The following FAF1 variants were observed in gnomAD, a reference collection of about 807,000 sequenced individuals.
FAF1 encodes the protein Fas associated factor 1, also known as FAS-associated factor 1.
A neutral mutation model predicts 92.5 loss-of-function variants in FAF1; 25 were observed. The ratio of observed to expected loss-of-function variants is 0.27; its 90% CI spans 0.20 to 0.38. The LOEUF (loss-of-function observed/expected upper bound fraction) is 0.38, where lower values mean the gene tolerates loss of function less well. FAF1 is among the 10% of genes least tolerant of loss of function. The pLI is 1.00. For missense variants in FAF1, 636 were observed against 793.3 expected, an observed-to-expected ratio of 0.80 and a Z score of 2.38; for synonymous variants, 234 against 273.2, an observed-to-expected ratio of 0.86 and a Z score of 1.42.
At chr1:50,663,704 GA>G (rs1655497064) in intron 7 of FAF1, among the ~76,000 whole-genome samples, 1 of 151,452 alleles carries the variant, frequency 6.6e-6, no homozygotes, top group South Asian at 2.1e-4. Context: ...CGCCCGGCCA[GA>G]AGCACCGCTT....
chr1:50,776,437 C>T (rs1660963772), intron 4 of FAF1, among the ~76,000 whole-genome samples: 1 of 152,102 alleles, frequency 6.6e-6, no homozygotes, highest in African/African-American at 2.4e-5. Flanking sequence ...TATGGTTTCT[C>T]TCTAATATAT....
intron 7 of FAF1, among the ~76,000 whole-genome samples, chr1:50,687,198 T>A (rs1240358287): frequency 6.6e-6 from 1 of 152,200 alleles, no homozygotes; most frequent in Non-Finnish European, 1.5e-5. Context: ...CTTTTCGGAA[T>A]AATTTTTTAT....
intron 13 of FAF1, among the ~76,000 whole-genome samples, chr1:50,564,135 A>C (rs1165287409): frequency 1.3e-5 from 2 of 152,158 alleles, no homozygotes; most frequent in Admixed American, 1.3e-4. Flanking sequence ...ATGCCTCTAT[A>C]GGCTTAGTCA....
rs1651019663 is a variant in FAF1 at position 50,582,159 on chromosome 1, G to T, written c.1113+459C>A. 2.6e-5 allele frequency among the ~76,000 whole-genome samples: 4 copies of T among 152,160 alleles called. No individual in the cohort carries two copies. The South Asian group carries it at 8.3e-4, about 32-fold the overall frequency. ...AAAGACTAAAGAACAAATCTATCAA[G>T]AACTAGTCATTTGCGTAACTGAAAA... On this transcript the variant is annotated intron_variant, in intron 12 of 18. Transcript: ENST00000396153.
intron 1 of FAF1, among the ~76,000 whole-genome samples, chr1:50,885,629 T>C (rs1293047795): frequency 1.3e-5 from 2 of 152,200 alleles, no homozygotes; most frequent in Non-Finnish European, 2.9e-5. Context: ...CTTGTTTTTG[T>C]ATCCATTCAG....
chr1:50,929,445 T>C lies in FAF1; in HGVS notation c.45+30322A>G, dbSNP rs149570311. Reference sequence around the variant, plus strand: ...ACTAAAAGATCTTTGGTTGATAAAATTGTATTCAGATCCCTTCAAAAAAAT... The same window carrying C: ...ACTAAAAGATCTTTGGTTGATAAAACTGTATTCAGATCCCTTCAAAAAAAT... On this transcript the variant is annotated intron_variant, in intron 1 of 18. Coordinates refer to ENST00000396153, the MANE Select transcript of FAF1 (RefSeq NM_007051.3). 5.1e-3 allele frequency among the ~76,000 whole-genome samples: 779 copies of C among 152,332 alleles called. 6 individuals carry two copies. The highest frequency in any genetic ancestry group is 0.011 in the South Asian group (51 of 4,830).
At position 50,464,497 on chromosome 1, in the gene FAF1, G is replaced by A. The variant is rs142196683; in HGVS notation, c.1869+10967C>T. ...ACACATTTTTACTGCATTTTACTAA[G>A]GGGAATGCAATAAACAGTGGACTTT... On this transcript the variant is annotated intron_variant, in intron 18 of 18. Coordinates refer to ENST00000396153, the MANE Select transcript of FAF1 (RefSeq NM_007051.3). Among the ~76,000 whole-genome samples the A allele has an allele frequency of 6.6e-3, 1,012 of 152,286 alleles. 15 individuals are homozygous for A. The highest frequency in any genetic ancestry group is 0.023 in the African/African-American group (945 of 41,556).
intron 18 of FAF1, among the ~76,000 whole-genome samples, chr1:50,472,172 C>G (rs1407500716): frequency 6.6e-6 from 1 of 151,748 alleles, no homozygotes; most frequent in Non-Finnish European, 1.5e-5. Flanking sequence ...CAGGAGTTGG[C>G]CTATAGGAGG....
rs534810116 is a variant in FAF1 at position 50,448,735 on chromosome 1, T to C, written c.1870-7212A>G. ...TCAAATCACAATCTCTGATCAACTT[T>C]TCCGGTAACAAAGGAGGTGATATTT... On this transcript the variant is annotated intron_variant, in intron 18 of 18. Transcript: ENST00000396153. Among the ~76,000 whole-genome samples, 23 of 152,324 alleles carry C rather than the reference T, an allele frequency of 1.5e-4. No homozygotes were observed. In the South Asian group the frequency reaches 4.4e-3, roughly 29 times the overall value.
intron 6 of FAF1, chr1:50,706,154 A>G (rs1657665397): frequency 2.8e-6 from 1 of 352,158 alleles, no homozygotes. Context: ...TCTACAAGTC[A>G]TAGGCTAATT....
Position 50,845,605 on chromosome 1 carries a change from A to T in FAF1, c.114+12324T>A, listed in dbSNP as rs185762017. On this transcript the variant is annotated intron_variant, in intron 2 of 18. Coordinates refer to ENST00000396153, the MANE Select transcript of FAF1 (RefSeq NM_007051.3). ...ATTTGCTCCCCCACCTGCACAGAAGATGCTAACTGCTTGTCCAGTGACTAC... is the reference window on the plus strand; with the variant it reads ...ATTTGCTCCCCCACCTGCACAGAAGTTGCTAACTGCTTGTCCAGTGACTAC... Among the ~76,000 whole-genome samples the T allele has an allele frequency of 9.9e-5, 15 of 152,186 alleles. No individual in the cohort carries two copies. In the East Asian group the frequency reaches 2.9e-3, roughly 29 times the overall value.
intron 17 of FAF1, among the ~76,000 whole-genome samples, chr1:50,478,883 T>A (rs1231562968): frequency 6.6e-6 from 1 of 152,212 alleles, no homozygotes; most frequent in Non-Finnish European, 1.5e-5. Flanking sequence ...TATTAAAGTA[T>A]AACATACATA....
intron 12 of FAF1, among the ~76,000 whole-genome samples, chr1:50,580,631 CTGT>C (rs1043423238): frequency 1.3e-5 from 2 of 151,792 alleles, no homozygotes. Flanking sequence ...GTAAAAAAAG[CTGT>C]TATTACAGGA....
At chr1:50,923,876 T>C (rs911592793) in intron 1 of FAF1, among the ~76,000 whole-genome samples, 8 of 152,282 alleles carry the variant, frequency 5.3e-5, no homozygotes, top group African/African-American at 1.9e-4. Context: ...AAATTCAACA[T>C]CCATTTCTGA....
intron 6 of FAF1, among the ~76,000 whole-genome samples, chr1:50,726,337 T>C (rs1214734560): frequency 1.3e-5 from 2 of 152,126 alleles, no homozygotes; most frequent in Admixed American, 1.3e-4. Flanking sequence ...TCAATACTAC[T>C]TGTAAAAGGG....
chr1:50,593,118 C>T (rs1486993420), intron 9 of FAF1, among the ~76,000 whole-genome samples: 1 of 151,774 alleles, frequency 6.6e-6, no homozygotes, highest in African/African-American at 2.4e-5. Context: ...TATAGGAGGG[C>T]AAAACTCCTA....
intron 7 of FAF1, among the ~76,000 whole-genome samples, chr1:50,667,166 G>A (rs1023588231): frequency 2.6e-5 from 4 of 152,166 alleles, no homozygotes; most frequent in African/African-American, 9.7e-5. Context: ...AATTTCCAAG[G>A]AAAATAAATC....
chr1:50,640,936 C>G (rs939199385), intron 8 of FAF1, among the ~76,000 whole-genome samples: 1 of 145,294 alleles, frequency 6.9e-6, no homozygotes, highest in Non-Finnish European at 1.5e-5. Flanking sequence ...GGGGTTCAAG[C>G]AATTCTCCTG....
At chr1:50,623,824 T>A (rs1445465543) in intron 8 of FAF1, among the ~76,000 whole-genome samples, 3 of 151,468 alleles carry the variant, frequency 2.0e-5, no homozygotes, top group Non-Finnish European at 4.4e-5. Context: ...GCGCCTGTAG[T>A]CACAACTACC....
Sources: allele counts gnomAD v4.1 joint callset (sites outside exome capture counted in the v4.1 genomes callset), GRCh38; gene constraint gnomAD v4.1.1; transcripts MANE v1.5; gene names NCBI Gene and HGNC (gene_info 2026-07-23, HGNC 2026-07-21).